SLC44A5: variants seen among roughly 807,000 people sequenced by gnomAD.
SLC44A5 encodes solute carrier family 44 member 5, also known as choline transporter-like protein 5.
SLC44A5 carries 57 observed loss-of-function variants against 101.8 expected under a neutral mutation model. That is an observed-to-expected ratio of 0.56 (90% confidence interval 0.45 to 0.70). SLC44A5 has a LOEUF of 0.70. Ranked by LOEUF, SLC44A5 falls within the 30% of genes least tolerant of loss-of-function variation. SLC44A5 has a pLI of 0.00. For synonymous variants in SLC44A5, 281 were observed against 290.9 expected, an observed-to-expected ratio of 0.97 and a Z score of 0.35; for missense variants, 737 against 853.1, an observed-to-expected ratio of 0.86 and a Z score of 1.70.
intron 4 of SLC44A5, chr1:75,311,552 C>A: frequency 4.1e-6 from 4 of 984,998 alleles, no homozygotes; most frequent in Non-Finnish European, 4.8e-6. Context: ...CTACTAATAT[C>A]CTCTTTTCTG....
At position 75,446,076 on chromosome 1, in the gene SLC44A5, T is replaced by A. The variant is rs115304725; in HGVS notation, c.14-49455A>T. On this transcript the variant is annotated intron_variant, in intron 2 of 23. Coordinates refer to ENST00000370859, the MANE Select transcript of SLC44A5 (RefSeq NM_001130058.2). Reference sequence around the variant, plus strand: ...TACTCTAAGCTACCAGCATCTCTTCTCAACATCGTTGCAGTAGTTTCTCTG... The same window carrying A: ...TACTCTAAGCTACCAGCATCTCTTCACAACATCGTTGCAGTAGTTTCTCTG... Among the ~76,000 whole-genome samples, 622 of 152,290 alleles carry A rather than the reference T, an allele frequency of 4.1e-3. 2 individuals carry two copies. The highest frequency in any genetic ancestry group is 7.3e-3 in the Non-Finnish European group (494 of 68,012).
intron 2 of SLC44A5, among the ~76,000 whole-genome samples, chr1:75,450,138 C>T (rs929887867): frequency 3.9e-5 from 6 of 152,094 alleles, no homozygotes; most frequent in Non-Finnish European, 5.9e-5. Flanking sequence ...GCAAACTTCC[C>T]CCGTGACACC....
At chr1:75,343,831 C>T (rs1220682601) in intron 3 of SLC44A5, among the ~76,000 whole-genome samples, 1 of 152,102 alleles carries the variant, frequency 6.6e-6, no homozygotes, top group African/African-American at 2.4e-5. Flanking sequence ...AAAAGAGGGC[C>T]TGTCATTTCA....
intron 14 of SLC44A5, among the ~76,000 whole-genome samples, chr1:75,220,218 T>A (rs542817689): frequency 6.6e-6 from 1 of 152,106 alleles, no homozygotes; most frequent in Non-Finnish European, 1.5e-5. Flanking sequence ...GAAGAAGACC[T>A]TGAAGATCAT....
intron 2 of SLC44A5, among the ~76,000 whole-genome samples, chr1:75,496,055 T>C (rs1668655798): frequency 6.6e-6 from 1 of 152,292 alleles, no homozygotes; most frequent in South Asian, 2.1e-4. Flanking sequence ...ATCCTTTTTT[T>C]TGGTAATCCC....
chr1:75,525,019 A>T (rs1670336798), intron 2 of SLC44A5, among the ~76,000 whole-genome samples: 1 of 152,174 alleles, frequency 6.6e-6, no homozygotes, highest in African/African-American at 2.4e-5. Flanking sequence ...AGGCAAAGTT[A>T]TTCTTCACAG....
chr1:75,604,538 T>A (rs1675204726), intron 1 of SLC44A5, among the ~76,000 whole-genome samples: 1 of 152,096 alleles, frequency 6.6e-6, no homozygotes, highest in Non-Finnish European at 1.5e-5. Context: ...TTTAGAATAG[T>A]TTTTTCTGAT....
chr1:75,289,355 G>GT (rs1055779004), intron 5 of SLC44A5, among the ~76,000 whole-genome samples: 56 of 152,190 alleles, frequency 3.7e-4, no homozygotes, highest in Non-Finnish European at 5.9e-4. Flanking sequence ...GAAAATCCAT[G>GT]TTTTTTTCAG....
At chr1:75,244,666 T>C (rs1489119164) in intron 7 of SLC44A5, among the ~76,000 whole-genome samples, 2 of 151,994 alleles carry the variant, frequency 1.3e-5, no homozygotes, top group African/African-American at 4.8e-5. Flanking sequence ...TTAATAAACT[T>C]TGGGGGCCTA....
intron 2 of SLC44A5, among the ~76,000 whole-genome samples, chr1:75,507,318 G>C (rs568823604): frequency 6.6e-6 from 1 of 152,176 alleles, no homozygotes; most frequent in South Asian, 2.1e-4. Context: ...TATGGTTGTT[G>C]CTTTTATTTC....
At chr1:75,451,881 T>C (rs1665929028) in intron 2 of SLC44A5, among the ~76,000 whole-genome samples, 2 of 152,214 alleles carry the variant, frequency 1.3e-5, no homozygotes, top group Admixed American at 6.5e-5. Flanking sequence ...CTATGAATTA[T>C]TGGCATTCCA....
intron 2 of SLC44A5, among the ~76,000 whole-genome samples, chr1:75,491,667 A>C (rs530478112): frequency 6.6e-6 from 1 of 152,084 alleles, no homozygotes; most frequent in South Asian, 2.1e-4. Context: ...TGTGTAGGTA[A>C]GTGTCACAGA....
At chr1:75,313,762 A>C (rs1655482665) in intron 4 of SLC44A5, among the ~76,000 whole-genome samples, 1 of 152,228 alleles carries the variant, frequency 6.6e-6, no homozygotes, top group South Asian at 2.1e-4. Flanking sequence ...AAGAAGAAAG[A>C]AAATGAGAGG....
chr1:75,376,254 T>A (rs1570042803), intron 3 of SLC44A5, among the ~76,000 whole-genome samples: 1 of 152,066 alleles, frequency 6.6e-6, no homozygotes, highest in Admixed American at 6.5e-5. Context: ...GCAGCGAGGC[T>A]GGGGGAGGGG....
intron 4 of SLC44A5, among the ~76,000 whole-genome samples, chr1:75,304,940 C>T (rs1249675): frequency 0.59 from 89,338 of 151,946 alleles, 26,690 homozygotes; most frequent in East Asian, 0.85. Flanking sequence ...AACAAGCTGC[C>T]CACACCCCCA....
chr1:75,681,011 G>C, the SLC44A5 span, among the ~76,000 whole-genome samples: 4 of 150,436 alleles, frequency 2.7e-5, no homozygotes, highest in African/African-American at 9.8e-5. Context: ...AGAAAATCTA[G>C]AAGAAATGGA....
the SLC44A5 span, among the ~76,000 whole-genome samples, chr1:75,692,350 T>C: frequency 0.29 from 44,584 of 151,736 alleles, 6,759 homozygotes; most frequent in Non-Finnish European, 0.33. Context: ...TGTGCCAACA[T>C]GCCCAGCTAA....
intron 3 of SLC44A5, 72 bp downstream of exon 3, chr1:75,396,511 G>T: frequency 4.9e-6 from 6 of 1,216,112 alleles, no homozygotes; most frequent in Non-Finnish European, 7.1e-6. Flanking sequence ...GATTTTAAAA[G>T]AATCACATAT....
chr1:75,677,505 T>A, the SLC44A5 span, among the ~76,000 whole-genome samples: 1 of 151,952 alleles, frequency 6.6e-6, no homozygotes, highest in South Asian at 2.1e-4. Flanking sequence ...AAAAGCAATA[T>A]GTTAAAACAT....
Sources: allele counts gnomAD v4.1 joint callset (sites outside exome capture counted in the v4.1 genomes callset), GRCh38; gene constraint gnomAD v4.1.1; transcripts MANE v1.5; gene names NCBI Gene and HGNC (gene_info 2026-07-23, HGNC 2026-07-21).